The following LRTM3 variants were observed in gnomAD, a reference collection of about 807,000 sequenced individuals.
LRTM3 encodes leucine rich repeat transmembrane protein 3.
At chr13:102,739,608 A>G in the LRTM3 span, 1 of 1,550,432 alleles carries the variant, frequency 6.4e-7, no homozygotes, top group African/African-American at 1.4e-5. Flanking sequence ...AGCAAAGGAA[A>G]TTCCTTTATA....
chr13:102,740,398 T>A, the LRTM3 span: 1 of 1,550,286 alleles, frequency 6.5e-7, no homozygotes, highest in Middle Eastern at 1.7e-4. Flanking sequence ...TCCGGCTTGA[T>A]AAATTACCTC....
chr13:102,739,600 CA>C, the LRTM3 span: 3 of 1,550,282 alleles, frequency 1.9e-6, no homozygotes, highest in Non-Finnish European at 1.7e-6. Flanking sequence ...TGTCTAACAG[CA>C]AAGGAAATTC....
the LRTM3 span, among the ~76,000 whole-genome samples, chr13:102,752,423 C>T: frequency 1.3e-5 from 2 of 152,120 alleles, no homozygotes; most frequent in African/African-American, 4.8e-5. Flanking sequence ...GCTACACTTC[C>T]CAGTCTGTCA....
the LRTM3 span, chr13:102,746,831 G>C: frequency 6.4e-7 from 1 of 1,551,230 alleles, no homozygotes; most frequent in Non-Finnish European, 8.7e-7. Context: ...TCCAATCAGT[G>C]ATTTTCCTGA....
the LRTM3 span, chr13:102,746,592 T>C: frequency 1.9e-6 from 3 of 1,551,160 alleles, no homozygotes; most frequent in South Asian, 3.6e-5. Flanking sequence ...ACAGCCTTTG[T>C]ATTTACACAT....
chr13:102,742,372 G>T, the LRTM3 span: 1 of 1,546,576 alleles, frequency 6.5e-7, no homozygotes. Context: ...TAGATGTGTA[G>T]GGATTAGGAT....
At chr13:102,743,644 T>C in the LRTM3 span, 1 of 1,550,426 alleles carries the variant, frequency 6.4e-7, no homozygotes, top group East Asian at 2.4e-5. Flanking sequence ...GTGAGTTTTC[T>C]TGTACTTCTT....
chr13:102,757,598 C>T, the LRTM3 span, among the ~76,000 whole-genome samples: 2 of 152,230 alleles, frequency 1.3e-5, no homozygotes, highest in Non-Finnish European at 2.9e-5. Context: ...TGTTTCTGTT[C>T]ATGTCCTGGA....
At chr13:102,736,919 CTT>C in the LRTM3 span, 7 of 1,551,000 alleles carry the variant, frequency 4.5e-6, no homozygotes, top group African/African-American at 1.4e-5. Flanking sequence ...AAGAAAAGAT[CTT>C]GTTACTCCTT....
the LRTM3 span, chr13:102,729,588 G>A: frequency 6.5e-7 from 1 of 1,535,886 alleles, no homozygotes; most frequent in Non-Finnish European, 8.8e-7. Flanking sequence ...GTTTCAGGGG[G>A]AATAGTCCAG....
the LRTM3 span, chr13:102,731,437 T>C: frequency 6.4e-7 from 1 of 1,551,480 alleles, no homozygotes; most frequent in Non-Finnish European, 8.7e-7. Flanking sequence ...CTTTTGACTC[T>C]AAATGACTAG....
chr13:102,735,012 T>C, the LRTM3 span: 1 of 1,551,088 alleles, frequency 6.4e-7, no homozygotes, highest in African/African-American at 1.4e-5. Context: ...AAAGAGGGTC[T>C]TGTTAATATT....
chr13:102,744,207 G>A, the LRTM3 span: 1 of 1,550,442 alleles, frequency 6.4e-7, no homozygotes, highest in South Asian at 1.2e-5. Flanking sequence ...AAAATTCGTA[G>A]TTGCTTTGCC....
the LRTM3 span, chr13:102,734,305 T>C: frequency 6.4e-7 from 1 of 1,551,426 alleles, no homozygotes; most frequent in Non-Finnish European, 8.7e-7. Context: ...GTAATGCTGA[T>C]GGCATTAGTG....
At chr13:102,734,462 T>A in the LRTM3 span, 9 of 1,551,240 alleles carry the variant, frequency 5.8e-6, no homozygotes, top group African/African-American at 1.4e-5. Context: ...ACCTTCATGT[T>A]CCTTTCGTCC....
At chr13:102,756,561 C>A in the LRTM3 span, among the ~76,000 whole-genome samples, 3 of 150,354 alleles carry the variant, frequency 2.0e-5, no homozygotes, top group Non-Finnish European at 4.4e-5. Context: ...GTAATCCCAG[C>A]TTCTATGGAG....
the LRTM3 span, chr13:102,748,478 G>A: frequency 1.3e-6 from 2 of 1,551,100 alleles, no homozygotes; most frequent in East Asian, 4.9e-5. Flanking sequence ...TTGCGTTTTT[G>A]GTGTACTGGT....
chr13:102,752,862 A>G, the LRTM3 span, among the ~76,000 whole-genome samples: 1 of 152,224 alleles, frequency 6.6e-6, no homozygotes, highest in Admixed American at 6.5e-5. Flanking sequence ...AAGATGATTA[A>G]ATTAACTGAT....
At chr13:102,739,067 C>T in the LRTM3 span, 1 of 1,550,466 alleles carries the variant, frequency 6.4e-7, no homozygotes, top group African/African-American at 1.4e-5. Flanking sequence ...TCTTGTTATT[C>T]CTCTCATGTA....
Sources: gnomAD v4.1 joint callset for allele counts (sites outside exome capture counted in the v4.1 genomes callset) on GRCh38, gnomAD v4.1.1 for gene constraint, MANE v1.5 for transcripts, NCBI Gene and HGNC (gene_info 2026-07-23, HGNC 2026-07-21) for gene names.